CDH13: variants seen among roughly 807,000 people sequenced by gnomAD.
CDH13 encodes cadherin-13.
In CDH13, 24 loss-of-function variants were observed where a neutral mutation model predicts 63.8. The observed-to-expected ratio is 0.38, with a 90% CI of 0.27 to 0.53. The LOEUF is 0.53. Ranked by LOEUF, CDH13 falls within the 20% of genes least tolerant of loss-of-function variation. The pLI, the probability that CDH13 is intolerant of heterozygous loss-of-function variation, is 0.85. For missense variants in CDH13, 1,049 were observed against 903.1 expected, an observed-to-expected ratio of 1.16 and a Z score of -2.07; for synonymous variants, 503 against 355.3, an observed-to-expected ratio of 1.42 and a Z score of -4.67.
chr16:82,673,574 C>A (rs1028037376), intron 1 of CDH13, among the ~76,000 whole-genome samples: 5 of 152,024 alleles, frequency 3.3e-5, no homozygotes, highest in Admixed American at 3.3e-4. Context: ...AATAATTCTA[C>A]GAGCCATGAA....
chr16:82,962,303 C>T (rs1907139435), intron 2 of CDH13, among the ~76,000 whole-genome samples: 1 of 152,162 alleles, frequency 6.6e-6, no homozygotes, highest in African/African-American at 2.4e-5. Flanking sequence ...CCAGAGCCAC[C>T]AGGAGGTGGA....
At chr16:83,324,983 C>T (rs1206191361) in intron 5 of CDH13, among the ~76,000 whole-genome samples, 1 of 152,178 alleles carries the variant, frequency 6.6e-6, no homozygotes, top group African/African-American at 2.4e-5. Flanking sequence ...CTTGGTCCCC[C>T]TGGATTTTGT....
At chr16:82,818,263 A>G (rs1229616574) in intron 1 of CDH13, among the ~76,000 whole-genome samples, 16 of 152,080 alleles carry the variant, frequency 1.1e-4, no homozygotes, top group Admixed American at 9.8e-4. Flanking sequence ...AGTCTCTAAA[A>G]CTTGAAGTTG....
At chr16:83,485,744 C>G (rs2073871715) in intron 6 of CDH13, among the ~76,000 whole-genome samples, 1 of 152,120 alleles carries the variant, frequency 6.6e-6, no homozygotes. Flanking sequence ...ATATATTTAT[C>G]TCTTCTACTG....
At chr16:83,342,986 C>A (rs932695412) in intron 5 of CDH13, among the ~76,000 whole-genome samples, 13 of 150,216 alleles carry the variant, frequency 8.7e-5, no homozygotes, top group African/African-American at 3.2e-4. Context: ...GCAGTATTCT[C>A]ATAATAGCTT....
At chr16:83,341,897 T>G (rs1457809800) in intron 5 of CDH13, among the ~76,000 whole-genome samples, 1 of 152,012 alleles carries the variant, frequency 6.6e-6, no homozygotes, top group Non-Finnish European at 1.5e-5. Context: ...TATGGCTATC[T>G]CTTTCCACTT....
At chr16:83,423,043 T>C (rs1009158379) in intron 6 of CDH13, among the ~76,000 whole-genome samples, 3 of 152,226 alleles carry the variant, frequency 2.0e-5, no homozygotes, top group African/African-American at 4.8e-5. Flanking sequence ...TCTAATTCTG[T>C]ACATGTCTTT....
At chr16:83,052,776 CAAAAAAAAAAAAAAA>C (rs71148805) in intron 3 of CDH13, among the ~76,000 whole-genome samples, 1 of 92,920 alleles carries the variant, frequency 1.1e-5, no homozygotes, top group Non-Finnish European at 2.1e-5. Flanking sequence ...GACTTTATCT[CAAAAAAAAAAAAAAA>C]AAAAAAAAAA....
intron 2 of CDH13, among the ~76,000 whole-genome samples, chr16:83,015,762 C>G (rs1263449173): frequency 5.2e-5 from 7 of 134,030 alleles, no homozygotes; most frequent in Admixed American, 4.0e-4. Context: ...GAACCTTAGA[C>G]TTGCCGTGGG....
At chr16:82,844,565 C>T (rs1271358819) in intron 1 of CDH13, 1 of 148,564 alleles carries the variant, frequency 6.7e-6, no homozygotes, top group Non-Finnish European at 1.5e-5. Flanking sequence ...CGCGCCACTG[C>T]ACTCCAGCCT....
At chr16:82,709,834 C>G (rs990041083) in intron 1 of CDH13, among the ~76,000 whole-genome samples, 1 of 152,018 alleles carries the variant, frequency 6.6e-6, no homozygotes, top group Non-Finnish European at 1.5e-5. Flanking sequence ...AAATCATAGG[C>G]AGACAGATTT....
At chr16:82,908,267 C>T (rs141845831) in intron 2 of CDH13, among the ~76,000 whole-genome samples, 1,818 of 152,180 alleles carry the variant, frequency 0.012, 16 homozygotes, top group Non-Finnish European at 0.019. Context: ...GGAGGAGGTG[C>T]CTTCTTTTGG....
intron 3 of CDH13, among the ~76,000 whole-genome samples, chr16:83,122,229 C>G (rs900631277): frequency 6.6e-6 from 1 of 152,214 alleles, no homozygotes; most frequent in Non-Finnish European, 1.5e-5. Context: ...TGCTAACACG[C>G]CTTTAACACC....
At chr16:82,967,049 C>T (rs972769388) in intron 2 of CDH13, among the ~76,000 whole-genome samples, 1 of 152,114 alleles carries the variant, frequency 6.6e-6, no homozygotes, top group African/African-American at 2.4e-5. Context: ...TGGAAAAGTT[C>T]TTCATCTTTG....
chr16:82,953,664 A>G (rs1905616813), intron 2 of CDH13: 1 of 152,168 alleles, frequency 6.6e-6, no homozygotes, highest in Non-Finnish European at 1.5e-5. Context: ...TTTGCTAGAT[A>G]AAGTCTTTGA....
At chr16:82,646,003 G>T (rs1910050374) in intron 1 of CDH13, among the ~76,000 whole-genome samples, 1 of 152,178 alleles carries the variant, frequency 6.6e-6, no homozygotes, top group African/African-American at 2.4e-5. Flanking sequence ...ATCTCTACTG[G>T]ACAAAAGTTG....
chr16:83,438,963 C>G (rs1452439085), intron 6 of CDH13, among the ~76,000 whole-genome samples: 2 of 152,098 alleles, frequency 1.3e-5, no homozygotes, highest in East Asian at 1.9e-4. Flanking sequence ...ATCCTCATCA[C>G]TAGCTTAGAG....
intron 3 of CDH13, among the ~76,000 whole-genome samples, chr16:83,033,668 A>G (rs781434137): frequency 3.9e-5 from 6 of 152,190 alleles, no homozygotes; most frequent in Non-Finnish European, 7.3e-5. Context: ...ACATATGCAT[A>G]CACTTTATAA....
intron 2 of CDH13, among the ~76,000 whole-genome samples, chr16:82,909,585 C>G (rs1294249342): frequency 2.0e-5 from 3 of 151,652 alleles, no homozygotes; most frequent in Non-Finnish European, 4.4e-5. Context: ...TGGCGGAAGG[C>G]AAATGAGGAG....
Sources: gnomAD v4.1 joint callset for allele counts (sites outside exome capture counted in the v4.1 genomes callset) on GRCh38, gnomAD v4.1.1 for gene constraint, MANE v1.5 for transcripts, NCBI Gene and HGNC (gene_info 2026-07-23, HGNC 2026-07-21) for gene names.